Variants in SLC12A3 observed in about 807,000 individuals in gnomAD.
SLC12A3 encodes solute carrier family 12 member 3, also known as Na-Cl cotransporter.
A neutral mutation model predicts 121.0 loss-of-function variants in SLC12A3; 104 were observed. The ratio of observed to expected loss-of-function variants is 0.86; its 90% CI spans 0.73 to 1.01. SLC12A3 has a LOEUF of 1.01. Ranked by LOEUF, SLC12A3 falls within the 50% of genes least tolerant of loss-of-function variation. SLC12A3 has a pLI of 0.00. For missense variants in SLC12A3, 1,328 were observed against 1,356.3 expected, an observed-to-expected ratio of 0.98 and a Z score of 0.33; for synonymous variants, 536 against 533.4, an observed-to-expected ratio of 1.00 and a Z score of -0.07.
chr16:56,891,691 C>G (rs1335243596), intron 19 of SLC12A3, among the ~76,000 whole-genome samples: 1 of 152,216 alleles, frequency 6.6e-6, no homozygotes, highest in Non-Finnish European at 1.5e-5. Context: ...GCCAGTGGAC[C>G]CATAAGTTAT....
At chr16:56,885,395 C>T (rs1320631522) in intron 15 of SLC12A3, 31 bp downstream of exon 15, 5 of 1,395,010 alleles carry the variant, frequency 3.6e-6, no homozygotes, top group Non-Finnish European at 5.0e-6. Flanking sequence ...CCACCTGGGA[C>T]CCCAGGGCCA....
chr16:56,909,609 C>G (rs745832463), intron 25 of SLC12A3, among the ~76,000 whole-genome samples: 1 of 152,256 alleles, frequency 6.6e-6, no homozygotes, highest in South Asian at 2.1e-4. Flanking sequence ...CCAAGTCCAC[C>G]GGGAGGACAG....
At chr16:56,878,578 TG>T (rs1362466896) in intron 9 of SLC12A3, among the ~76,000 whole-genome samples, 3 of 152,096 alleles carry the variant, frequency 2.0e-5, no homozygotes, top group South Asian at 4.2e-4. Flanking sequence ...AAGGAGAAAA[TG>T]GGGGCTCAGA....
chr16:56,886,066 C>T (rs2055306662), intron 15 of SLC12A3, among the ~76,000 whole-genome samples: 1 of 152,178 alleles, frequency 6.6e-6, no homozygotes, highest in Non-Finnish European at 1.5e-5. Context: ...TTCCTCACTC[C>T]CAGGCTTTGT....
chr16:56,893,400 C>A lies in SLC12A3; in HGVS notation c.2521+346C>A, dbSNP rs3214654. Among the ~76,000 whole-genome samples, 18,535 of 151,676 alleles carry A rather than the reference C, an allele frequency of 0.12. 1,961 individuals are homozygous for A. The highest frequency in any genetic ancestry group is 0.28 in the African/African-American group (11,496 of 41,206). On this transcript the variant is annotated intron_variant, in intron 21 of 25. Transcript: ENST00000563236. ...AAATATAACCTCTCCCATTAAAAAA[C>A]AAAAAAAGTGACTTTAAGCTTTATT...
intron 20 of SLC12A3, 42 bp downstream of exon 20, chr16:56,892,175 T>A: frequency 6.2e-7 from 1 of 1,603,532 alleles, no homozygotes; most frequent in East Asian, 2.2e-5. Context: ...GTGTTCCCAC[T>A]CAGAGCTCAG....
At chr16:56,881,933 A>C (rs1465056359) in intron 12 of SLC12A3, among the ~76,000 whole-genome samples, 4 of 151,796 alleles carry the variant, frequency 2.6e-5, no homozygotes, top group African/African-American at 7.3e-5. Context: ...CCTGTAATCC[A>C]AGCTACTAGG....
chr16:56,892,129 C>T lies in SLC12A3; in HGVS notation c.2415C>T (p.Ala805=). Reference sequence around the variant, plus strand: ...CGGAGGACGGGAAGGAAGCCAGCGCCAGAGGTGCCAGGCCATCAGTCTCTG... The same window carrying T: ...CGGAGGACGGGAAGGAAGCCAGCGCTAGAGGTGCCAGGCCATCAGTCTCTG... ...DPAEDGKEAS[A]RVDPKALVKE... is the part of the protein sequence containing the mutation. The change falls in exon 20 of 26, where the codon GCC becomes GCT. Residue 805 remains alanine (A), a synonymous_variant. Transcript: ENST00000563236. 3 of 1,613,886 alleles carry T rather than the reference C, an allele frequency of 1.9e-6. No homozygotes were observed. The highest frequency in any genetic ancestry group is 2.5e-6 in the Non-Finnish European group (3 of 1,179,844).
In SLC12A3 at chr16:56,908,161, C is replaced by CTTTTTTTTTTTTTTTTTTTTTTTTTT. The variant is rs55644914; in HGVS notation, c.2924+3718_2924+3719insTTTTTTTTTTTTTTTTTTTTTTTTTT. ...ATTCATTTCTCAGATAGTGATATAA[C>CTTTTTTTTTTTTTTTTTTTTTTTTTT]TTTTTTTTTTTTTTTTTTTGAGGCA... On this transcript the variant is annotated intron_variant, in intron 25 of 25. Coordinates refer to ENST00000563236, the MANE Select transcript of SLC12A3 (RefSeq NM_001126108.2). Among the ~76,000 whole-genome samples, 61 of 96,960 alleles carry CTTTTTTTTTTTTTTTTTTTTTTTTTT rather than the reference C, an allele frequency of 6.3e-4. 1 individual carries two copies. Among genetic ancestry groups the CTTTTTTTTTTTTTTTTTTTTTTTTTT allele is most frequent in the Non-Finnish European group, 7.3e-4 (38 of 52,230 alleles). 63.6% of individuals were successfully genotyped at this position (96,960 alleles called of 152,430 possible).
rs1447816310 is a variant in SLC12A3 at position 56,890,359 on chromosome 16, G to T, written c.2368+3G>T. On this transcript the variant is annotated splice_donor_region_variant and intron_variant, in intron 19 of 25. Coordinates refer to ENST00000563236, the MANE Select transcript of SLC12A3 (RefSeq NM_001126108.2). ...GTCCAAGATGATGCAGGCGCACAGT[G>T]AGTACATGCCCCACCCACTCCCAGA... 3 of 1,613,164 alleles carry T rather than the reference G, an allele frequency of 1.9e-6. No individual in the cohort carries two copies. Among genetic ancestry groups the T allele is most frequent in the South Asian group, 2.2e-5 (2 of 91,052 alleles).
chr16:56,913,436 C>A lies in SLC12A3; in HGVS notation c.*31C>A, dbSNP rs757931646. ...GGCTTTGACATCCCTGTCCACAGCT[C>A]TGAGTGTGTGGGATAAGTTGGAACT... is the stretch of plus-strand genomic sequence containing the variant. On this transcript the variant is annotated 3_prime_UTR_variant, in exon 26 of 26. Transcript: ENST00000563236. The A allele has an allele frequency of 6.2e-7, 1 of 1,611,518 alleles. No homozygotes were observed. The highest frequency in any genetic ancestry group is 8.5e-7 in the Non-Finnish European group (1 of 1,177,612).
At chr16:56,879,287 C>A in intron 10 of SLC12A3, 60 bp downstream of exon 10, 1 of 1,600,164 alleles carries the variant, frequency 6.2e-7, no homozygotes, top group Non-Finnish European at 8.6e-7. Flanking sequence ...GCTGCAGGGC[C>A]CCTTGCAGGC....
chr16:56,902,313 G>A, intron 23 of SLC12A3, 60 bp from the exon 24 acceptor site: 3 of 1,608,890 alleles, frequency 1.9e-6, no homozygotes, highest in South Asian at 2.2e-5. Context: ...GCAGGGACCT[G>A]GCACCCCTAG....
intron 6 of SLC12A3, among the ~76,000 whole-genome samples, chr16:56,871,068 C>A (rs2055090086): frequency 6.6e-6 from 1 of 152,184 alleles, no homozygotes; most frequent in Admixed American, 6.5e-5. Context: ...CTCTTGACCT[C>A]AAGTGATCTG....
chr16:56,890,381 C>T lies in SLC12A3; in HGVS notation c.2368+25C>T, dbSNP rs772475173. ...AGTGAGTACATGCCCCACCCACTCC[C>T]AGAAAGTTCTAGAACACATTTTTTG... On this transcript the variant is annotated intron_variant, in intron 19 of 25. Coordinates refer to ENST00000563236, the MANE Select transcript of SLC12A3 (RefSeq NM_001126108.2). 5 of 1,600,326 alleles carry T rather than the reference C, an allele frequency of 3.1e-6. No individual in the cohort carries two copies. In the African/African-American group the frequency reaches 6.7e-5, roughly 21 times the overall value.
At chr16:56,892,187 G>T in intron 20 of SLC12A3, 54 bp downstream of exon 20, 1 of 1,579,582 alleles carries the variant, frequency 6.3e-7, no homozygotes, top group Non-Finnish European at 8.7e-7. Context: ...AGAGCTCAGG[G>T]CACTCTAGCC....
chr16:56,886,115 C>T (rs1364184022), intron 15 of SLC12A3, among the ~76,000 whole-genome samples: 1 of 152,192 alleles, frequency 6.6e-6, no homozygotes, highest in Non-Finnish European at 1.5e-5. Context: ...GGGCAGGGGA[C>T]ATGCATGGGG....
chr16:56,905,045 G>A (rs1480807782), intron 25 of SLC12A3, among the ~76,000 whole-genome samples: 1 of 152,082 alleles, frequency 6.6e-6, no homozygotes, highest in African/African-American at 2.4e-5. Context: ...AGGCCTGTAA[G>A]AAGAACATGA....
Position 56,913,739 on chromosome 16 carries a change from G to T in SLC12A3, c.*334G>T, listed in dbSNP as rs1006466269. 5.6e-6 allele frequency: 2 copies of T among 358,610 alleles called. No individual in the cohort carries two copies. Among genetic ancestry groups the T allele is most frequent in the Non-Finnish European group, 1.1e-5 (2 of 186,052 alleles). 22.2% of individuals were successfully genotyped at this position (358,610 alleles called of 1,614,324 possible). A position where few individuals can be genotyped will look rare whatever the true frequency, so the allele number is the denominator to read the frequency against. On this transcript the variant is annotated 3_prime_UTR_variant, in exon 26 of 26. Coordinates refer to ENST00000563236, the MANE Select transcript of SLC12A3 (RefSeq NM_001126108.2). ...GTCTTTGATTTGTATGCAAATTGGA[G>T]TCCCAATGCTGGGCGTGAATCTTGA...
Sources: allele counts gnomAD v4.1 joint callset (sites outside exome capture counted in the v4.1 genomes callset), GRCh38; gene constraint gnomAD v4.1.1; transcripts MANE v1.5; gene names NCBI Gene and HGNC (gene_info 2026-07-23, HGNC 2026-07-21).